The following SKP2 variants were observed in gnomAD, a reference collection of about 807,000 sequenced individuals.
SKP2 encodes the protein S-phase kinase-associated protein 2.
Under a neutral mutation model 51.8 loss-of-function variants are expected in SKP2, and 16 were observed. The ratio of observed to expected loss-of-function variants is 0.31; its 90% confidence interval spans 0.21 to 0.47. The LOEUF (loss-of-function observed/expected upper bound fraction) is 0.47. Among genes scored for constraint, SKP2 ranks in the 20% least tolerant of loss-of-function variants. The pLI, the probability that SKP2 is intolerant of heterozygous loss-of-function variation, is 1.00. For missense variants in SKP2, 377 were observed against 505.3 expected (o/e 0.75, Z 2.43); for synonymous variants, 176 against 198.6 (o/e 0.89, Z 0.96).
intron 9 of SKP2, among the ~76,000 whole-genome samples, chr5:36,181,234 C>A (rs898880158): frequency 2.0e-5 from 3 of 152,124 alleles, no homozygotes; most frequent in African/African-American, 7.2e-5. Flanking sequence ...TACCTGTACC[C>A]AACTGTATAA....
At position 36,183,880 on chromosome 5, in the gene SKP2, G is replaced by A. The variant is rs1315789100; in HGVS notation, c.*1849G>A. Reference sequence around the variant, plus strand: ...TGGGGTTAGGATCCGGTTGGACTCTGACATCGGATGCCCTCAAACATACAG... The same window carrying A: ...TGGGGTTAGGATCCGGTTGGACTCTAACATCGGATGCCCTCAAACATACAG... On this transcript the variant is annotated 3_prime_UTR_variant, in exon 10 of 10. Coordinates refer to ENST00000274255, the MANE Select transcript of SKP2 (RefSeq NM_005983.4). 30 of 1,608,958 alleles carry A rather than the reference G, an allele frequency of 1.9e-5. No individual in the cohort carries two copies. Among genetic ancestry groups the A allele is most frequent in the Non-Finnish European group, 2.4e-5 (28 of 1,178,704 alleles).
intron 2 of SKP2, among the ~76,000 whole-genome samples, chr5:36,158,120 A>G (rs1463355747): frequency 6.6e-6 from 1 of 152,208 alleles, no homozygotes; most frequent in African/African-American, 2.4e-5. Context: ...ACTGCCGTCC[A>G]TGTCATTGAA....
At chr5:36,179,134 T>G (rs1168775957) in intron 9 of SKP2, among the ~76,000 whole-genome samples, 1 of 152,192 alleles carries the variant, frequency 6.6e-6, no homozygotes, top group Non-Finnish European at 1.5e-5. Context: ...AACATTAAGG[T>G]AAAGAGTATA....
chr5:36,174,911 GA>G (rs1745584409), intron 7 of SKP2, among the ~76,000 whole-genome samples: 1 of 152,126 alleles, frequency 6.6e-6, no homozygotes, highest in Admixed American at 6.6e-5. Flanking sequence ...ACAGTGAGAG[GA>G]GAAAGATGGC....
intron 2 of SKP2, among the ~76,000 whole-genome samples, chr5:36,157,547 A>G (rs1049924070): frequency 6.6e-6 from 1 of 152,164 alleles, no homozygotes; most frequent in African/African-American, 2.4e-5. Flanking sequence ...AGGAAGGAGA[A>G]CTCATCTGGG....
At chr5:36,154,522 A>T (rs1228340345) in intron 2 of SKP2, among the ~76,000 whole-genome samples, 4 of 152,128 alleles carry the variant, frequency 2.6e-5, no homozygotes, top group African/African-American at 9.7e-5. Flanking sequence ...AAGGGTAGAA[A>T]CTTAGGGTCT....
chr5:36,172,992 G>A (rs1478770967), intron 7 of SKP2, among the ~76,000 whole-genome samples: 3 of 151,112 alleles, frequency 2.0e-5, no homozygotes, highest in Non-Finnish European at 2.9e-5. Context: ...AAAACACAAA[G>A]GGAAGCAAAT....
intron 7 of SKP2, among the ~76,000 whole-genome samples, chr5:36,174,792 G>C (rs988471000): frequency 6.6e-6 from 1 of 152,126 alleles, no homozygotes; most frequent in Non-Finnish European, 1.5e-5. Flanking sequence ...AACTGACTGA[G>C]TGAAGAAGGA....
chr5:36,153,139 T>A, intron 2 of SKP2, 97 bp downstream of exon 2: 1 of 1,204,274 alleles, frequency 8.3e-7, no homozygotes, highest in Non-Finnish European at 1.2e-6. Flanking sequence ...ATGGGTTCCT[T>A]TTAAGATTGC....
chr5:36,164,507 C>T (rs1048361400), intron 3 of SKP2, among the ~76,000 whole-genome samples: 6 of 152,214 alleles, frequency 3.9e-5, no homozygotes, highest in Non-Finnish European at 7.3e-5. Flanking sequence ...ATCCTACCTC[C>T]TGGTCATTCT....
chr5:36,166,281 A>G (rs2291708), intron 3 of SKP2, among the ~76,000 whole-genome samples: 14,201 of 152,274 alleles, frequency 0.093, 997 homozygotes, highest in African/African-American at 0.19. Flanking sequence ...TGAACCATCT[A>G]AATTGGAAGT....
chr5:36,181,917 G>A lies in SKP2; in HGVS notation c.1161G>A (p.Gln387=). 6.2e-7 allele frequency: 1 copy of A among 1,614,152 alleles called. No homozygotes were observed. The highest frequency in any genetic ancestry group is 8.5e-7 in the Non-Finnish European group (1 of 1,180,028). The change falls in exon 10 of 10, where the codon CAG becomes CAA. Residue 387 remains glutamine, a synonymous_variant. Coordinates refer to ENST00000274255, the MANE Select transcript of SKP2 (RefSeq NM_005983.4). ...QLLKEALPHL[Q]INCSHFTTIA... ...TAAAGGAAGCCCTTCCTCATCTACA[G>A]ATTAATTGCTCCCATTTCACCACCA...
At position 36,182,149 on chromosome 5, in the gene SKP2, G is replaced by T; in HGVS notation, c.*118G>T. 1 of 1,454,146 alleles carries T rather than the reference G, an allele frequency of 6.9e-7. No individual in the cohort carries two copies. 90.1% of individuals were successfully genotyped at this position (1,454,146 alleles called of 1,614,324 possible). ...TTTTCCCTTTGCCTTCATTCTGCAAGTATACTAGGGAGCCATTTGAGAGGG... is the reference window on the plus strand; with the variant it reads ...TTTTCCCTTTGCCTTCATTCTGCAATTATACTAGGGAGCCATTTGAGAGGG... On this transcript the variant is annotated 3_prime_UTR_variant, in exon 10 of 10. Transcript: ENST00000274255.
chr5:36,152,186 C>T lies in SKP2; in HGVS notation c.-77C>T, dbSNP rs1461133960. On this transcript the variant is annotated 5_prime_UTR_variant, in exon 1 of 10. Coordinates refer to ENST00000274255, the MANE Select transcript of SKP2 (RefSeq NM_005983.4). ...GAGCAGCACGCTCGGAGCCGCCGCG[C>T]GCCAAAGCGGGAATCTGGGAGGCGA... 1 of 1,539,342 alleles carries T rather than the reference C, an allele frequency of 6.5e-7. No homozygotes were observed. Among genetic ancestry groups the T allele is most frequent in the Non-Finnish European group, 9.0e-7 (1 of 1,113,350 alleles).
chr5:36,171,607 G>A lies in SKP2; in HGVS notation c.775G>A (p.Asp259Asn). The change falls in exon 7 of 10, where the codon GAT becomes AAT. Residue 259 changes from aspartate to asparagine, a missense_variant. Around this residue, in one of 2 missense-constraint regions of SKP2, gnomAD observed 262 missense variants for 389.8 expected, o/e 0.67. Coordinates refer to ENST00000274255, the MANE Select transcript of SKP2 (RefSeq NM_005983.4). ...QTLLSSCSRL[D>N]ELNLSWCFDF... The stretch of plus-strand genomic sequence containing the variant: ...TATTACCCCTCTTTTGTGCAGACTG[G>A]ATGAGCTGAACCTCTCCTGGTGTTT... 6.2e-7 allele frequency: 1 copy of A among 1,613,548 alleles called. No homozygotes were observed. Among genetic ancestry groups the A allele is most frequent in the Non-Finnish European group, 8.5e-7 (1 of 1,179,600 alleles).
intron 7 of SKP2, among the ~76,000 whole-genome samples, chr5:36,172,526 T>A (rs893188630): frequency 6.6e-6 from 1 of 152,352 alleles, no homozygotes; most frequent in East Asian, 1.9e-4. Flanking sequence ...GTTTGTGGGC[T>A]CTACAAAACC....
At chr5:36,179,261 C>G (rs1745729599) in intron 9 of SKP2, among the ~76,000 whole-genome samples, 1 of 152,060 alleles carries the variant, frequency 6.6e-6, no homozygotes, top group African/African-American at 2.4e-5. Context: ...TAGAATGACT[C>G]TAATTTCAAT....
At chr5:36,179,847 T>C (rs1337022533) in intron 9 of SKP2, among the ~76,000 whole-genome samples, 1 of 152,046 alleles carries the variant, frequency 6.6e-6, no homozygotes, top group African/African-American at 2.4e-5. Flanking sequence ...GTCTCTTCCA[T>C]TGTAGTTTTT....
In SKP2 at chr5:36,182,768, A is replaced by C. The variant is rs1745851341; in HGVS notation, c.*737A>C. ...TTACTGTGTTTCCAGAATCTAAATT[A>C]GATGAGAAATATAATTGTGGTTTTC... On this transcript the variant is annotated 3_prime_UTR_variant, in exon 10 of 10. Transcript: ENST00000274255. 9 of 978,938 alleles carry C rather than the reference A, an allele frequency of 9.2e-6. No individual in the cohort carries two copies. The highest frequency in any genetic ancestry group is 1.1e-5 in the Non-Finnish European group (9 of 824,172). 60.6% of individuals were successfully genotyped at this position (978,938 alleles called of 1,614,324 possible).
Sources: allele counts gnomAD v4.1 joint callset (sites outside exome capture counted in the v4.1 genomes callset), GRCh38; gene constraint gnomAD v4.1.1; regional missense constraint gnomAD v4.1.1; transcripts MANE v1.5; gene names NCBI Gene and HGNC (gene_info 2026-07-23, HGNC 2026-07-21).